NCKAP5: variants seen among roughly 807,000 people sequenced by gnomAD.
NCKAP5 encodes the protein NCK associated protein 5.
Under a neutral mutation model 167.0 loss-of-function variants are expected in NCKAP5, and 92 were observed. That is an observed-to-expected ratio of 0.55 (90% CI 0.47 to 0.66). The LOEUF is 0.66. Ranked by LOEUF, NCKAP5 falls within the 30% of genes least tolerant of loss-of-function variation. NCKAP5 has a pLI of 0.00. For missense variants in NCKAP5, 2,378 were observed against 2,315.0 expected (o/e 1.03, Z -0.56); for synonymous variants, 891 against 877.4 (o/e 1.02, Z -0.27).
At chr2:133,579,349 AAGG>A in the NCKAP5 span, among the ~76,000 whole-genome samples, 1 of 152,216 alleles carries the variant, frequency 6.6e-6, no homozygotes, top group Non-Finnish European at 1.5e-5. Context: ...GAAACTAAAG[AAGG>A]AGGTTTGTCC....
At chr2:133,233,706 C>A (rs951533119) in intron 4 of NCKAP5, among the ~76,000 whole-genome samples, 19 of 152,132 alleles carry the variant, frequency 1.2e-4, no homozygotes, top group African/African-American at 4.3e-4. Flanking sequence ...CTGGTAAGTA[C>A]CACATTAAGC....
At chr2:133,641,308 G>C in the NCKAP5 span, among the ~76,000 whole-genome samples, 1 of 152,196 alleles carries the variant, frequency 6.6e-6, no homozygotes, top group African/African-American at 2.4e-5. Flanking sequence ...TTCTTTATGA[G>C]AGAAAACAAA....
chr2:133,483,643 T>C (rs940671039), intron 3 of NCKAP5, among the ~76,000 whole-genome samples: 2 of 152,032 alleles, frequency 1.3e-5, no homozygotes, highest in Admixed American at 1.3e-4. Flanking sequence ...GGGGGCTTTT[T>C]CTCTCTTAAA....
At chr2:132,908,907 T>C (rs1416282921) in intron 8 of NCKAP5, among the ~76,000 whole-genome samples, 1 of 152,216 alleles carries the variant, frequency 6.6e-6, no homozygotes, top group Non-Finnish European at 1.5e-5. Context: ...ATTACGAATC[T>C]TTCCAACTGA....
At chr2:132,865,535 G>A (rs919938092) in intron 10 of NCKAP5, among the ~76,000 whole-genome samples, 1 of 152,172 alleles carries the variant, frequency 6.6e-6, no homozygotes, top group African/African-American at 2.4e-5. Flanking sequence ...TGCTCTTCCT[G>A]CTACAGAAGA....
intron 8 of NCKAP5, among the ~76,000 whole-genome samples, chr2:132,908,868 C>CCA (rs1694210282): frequency 6.6e-6 from 1 of 152,096 alleles, no homozygotes; most frequent in South Asian, 2.1e-4. Context: ...TCTGAAATAT[C>CCA]GTAGTCTTTA....
rs548085506 is a variant in NCKAP5, at chr2:132,890,789, G to T, written c.580-11873C>A. Among the ~76,000 whole-genome samples, 5 of 152,300 alleles carry T rather than the reference G, an allele frequency of 3.3e-5. No individual in the cohort carries two copies. The East Asian group carries it at 9.7e-4, about 29-fold the overall frequency. ...GGCTAAAGGGTGTTCCCCACTGATT[G>T]TATTTGAGAGCTTGTACAGTATCCA... is the stretch of plus-strand genomic sequence containing the variant. On this transcript the variant is annotated intron_variant, in intron 8 of 19. Transcript: ENST00000409261.
intron 2 of NCKAP5, among the ~76,000 whole-genome samples, chr2:133,544,051 A>G (rs141896186): frequency 2.0e-5 from 3 of 152,250 alleles, no homozygotes; most frequent in African/African-American, 7.2e-5. Context: ...ATGCTGCTTC[A>G]TGACTACTTA....
chr2:133,630,725 C>G, the NCKAP5 span, among the ~76,000 whole-genome samples: 3 of 152,266 alleles, frequency 2.0e-5, no homozygotes, highest in East Asian at 5.8e-4. Flanking sequence ...TCCCAGGCAT[C>G]TTAGTTTTCC....
chr2:133,152,108 G>A (rs2083403637), intron 5 of NCKAP5, among the ~76,000 whole-genome samples: 1 of 152,150 alleles, frequency 6.6e-6, no homozygotes, highest in Non-Finnish European at 1.5e-5. Flanking sequence ...GTAAAATGCA[G>A]GGTAGCTCTC....
chr2:132,841,626 G>A (rs1315467367), intron 11 of NCKAP5, among the ~76,000 whole-genome samples: 2 of 148,348 alleles, frequency 1.3e-5, no homozygotes, highest in East Asian at 4.1e-4. Flanking sequence ...TTGTTTGCCA[G>A]CACATTTGCT....
intron 3 of NCKAP5, among the ~76,000 whole-genome samples, chr2:133,338,678 A>G (rs1308388786): frequency 3.3e-5 from 5 of 152,188 alleles, no homozygotes; most frequent in African/African-American, 1.2e-4. Context: ...TTCTCTTTCC[A>G]AGAGAATGTG....
At chr2:132,911,999 A>G (rs1694493223) in intron 8 of NCKAP5, among the ~76,000 whole-genome samples, 1 of 152,218 alleles carries the variant, frequency 6.6e-6, no homozygotes. Context: ...GGATATCTGC[A>G]GAAACTACCA....
intron 16 of NCKAP5, among the ~76,000 whole-genome samples, chr2:132,739,828 T>C (rs1189060043): frequency 6.6e-6 from 1 of 152,180 alleles, no homozygotes; most frequent in African/African-American, 2.4e-5. Flanking sequence ...CTGCCTCATG[T>C]AGAGAAAACA....
chr2:133,591,471 G>C, the NCKAP5 span, among the ~76,000 whole-genome samples: 6 of 152,198 alleles, frequency 3.9e-5, 1 homozygote, highest in East Asian at 3.9e-4. Flanking sequence ...CAGGAAGGAG[G>C]GGGAGAGGAC....
chr2:133,148,248 A>G (rs2083269452), intron 5 of NCKAP5, among the ~76,000 whole-genome samples: 1 of 152,144 alleles, frequency 6.6e-6, no homozygotes, highest in African/African-American at 2.4e-5. Context: ...ACTGTATCAT[A>G]TCAACTTTTA....
chr2:133,655,648 T>G, the NCKAP5 span, among the ~76,000 whole-genome samples: 13,216 of 152,242 alleles, frequency 0.087, 671 homozygotes, highest in African/African-American at 0.12. Context: ...CAAAGGGTAC[T>G]AGGAGGGACC....
At chr2:133,223,008 T>C (rs914955612) in intron 4 of NCKAP5, among the ~76,000 whole-genome samples, 5 of 152,068 alleles carry the variant, frequency 3.3e-5, no homozygotes, top group Non-Finnish European at 7.3e-5. Context: ...AAACCACCAT[T>C]ACAAATTTCC....
At chr2:132,863,172 T>C (rs1270444270) in intron 10 of NCKAP5, among the ~76,000 whole-genome samples, 1 of 152,202 alleles carries the variant, frequency 6.6e-6, no homozygotes, top group East Asian at 1.9e-4. Context: ...TCATGCTGAT[T>C]TTTGTTCTTA....
Sources: gnomAD v4.1 joint callset for allele counts (sites outside exome capture counted in the v4.1 genomes callset) on GRCh38, gnomAD v4.1.1 for gene constraint, MANE v1.5 for transcripts, NCBI Gene and HGNC (gene_info 2026-07-23, HGNC 2026-07-21) for gene names.